Variants in GLRA3 observed in about 807,000 individuals in gnomAD.
GLRA3 encodes glycine receptor alpha 3.
In GLRA3, 44 loss-of-function variants were observed where a neutral mutation model predicts 60.4. The ratio of observed to expected loss-of-function variants is 0.73; its 90% CI spans 0.57 to 0.94. The LOEUF is 0.94. Among genes scored for constraint, GLRA3 ranks in the 40% least tolerant of loss-of-function variants. GLRA3 has a pLI of 0.00. For missense variants in GLRA3, 508 were observed against 564.6 expected (o/e 0.90, Z 1.02); for synonymous variants, 223 against 192.9 (o/e 1.16, Z -1.29).
intron 5 of GLRA3, among the ~76,000 whole-genome samples, chr4:174,695,996 CAAAATAAT>C (rs928431991): frequency 6.6e-6 from 1 of 151,532 alleles, no homozygotes; most frequent in Non-Finnish European, 1.5e-5. Flanking sequence ...ACAATTGGCA[CAAAATAAT>C]AAAATAATAA....
intron 3 of GLRA3, among the ~76,000 whole-genome samples, chr4:174,739,450 T>C (rs1216507814): frequency 6.6e-6 from 1 of 152,144 alleles, no homozygotes; most frequent in Non-Finnish European, 1.5e-5. Context: ...TGGGTAAAGA[T>C]CTTCTCAAGG....
At chr4:174,785,431 A>G (rs1218312520) in intron 2 of GLRA3, among the ~76,000 whole-genome samples, 1 of 152,164 alleles carries the variant, frequency 6.6e-6, no homozygotes, top group Non-Finnish European at 1.5e-5. Flanking sequence ...TTATGTATAT[A>G]ATGCTGGAAC....
At chr4:174,650,579 T>A (rs1231799020) in intron 9 of GLRA3, among the ~76,000 whole-genome samples, 1 of 152,076 alleles carries the variant, frequency 6.6e-6, no homozygotes, top group Non-Finnish European at 1.5e-5. Flanking sequence ...ACCAAAGGAA[T>A]CTGAAAGGCA....
intron 5 of GLRA3, among the ~76,000 whole-genome samples, chr4:174,687,797 A>G (rs1734604094): frequency 6.6e-6 from 1 of 152,168 alleles, no homozygotes; most frequent in African/African-American, 2.4e-5. Context: ...TGGAAGATCT[A>G]AATAACTCAT....
chr4:174,695,574 T>C (rs1366142659), intron 5 of GLRA3, among the ~76,000 whole-genome samples: 4 of 152,096 alleles, frequency 2.6e-5, no homozygotes, highest in Non-Finnish European at 4.4e-5. Flanking sequence ...AACTAGGTAT[T>C]GAAGGAAAAT....
At chr4:174,675,083 C>T (rs1245915737) in intron 7 of GLRA3, among the ~76,000 whole-genome samples, 1 of 152,136 alleles carries the variant, frequency 6.6e-6, no homozygotes, top group Non-Finnish European at 1.5e-5. Flanking sequence ...TAAGATGATA[C>T]AGTCAACTTC....
intron 9 of GLRA3, among the ~76,000 whole-genome samples, chr4:174,655,642 GCAAA>G (rs1277789818): frequency 6.6e-6 from 1 of 151,932 alleles, no homozygotes; most frequent in Non-Finnish European, 1.5e-5. Flanking sequence ...AATATATATT[GCAAA>G]CACTATATCT....
intron 3 of GLRA3, among the ~76,000 whole-genome samples, chr4:174,729,281 C>T (rs570123713): frequency 6.6e-6 from 1 of 152,296 alleles, no homozygotes; most frequent in South Asian, 2.1e-4. Flanking sequence ...TATCCAATAA[C>T]ATCCAGAATA....
intron 1 of GLRA3, among the ~76,000 whole-genome samples, chr4:174,800,096 A>C (rs1739746986): frequency 6.6e-6 from 1 of 152,162 alleles, no homozygotes; most frequent in Non-Finnish European, 1.5e-5. Context: ...TCTTAACAGC[A>C]GATTAGGCAT....
intron 5 of GLRA3, among the ~76,000 whole-genome samples, chr4:174,683,355 C>CA (rs1227606335): frequency 6.8e-6 from 1 of 146,606 alleles, no homozygotes; most frequent in Non-Finnish European, 1.5e-5. Flanking sequence ...TAGAAAATGA[C>CA]TTTTTTTTTT....
chr4:174,722,758 C>A (rs1230779348), intron 4 of GLRA3: 1 of 166,618 alleles, frequency 6.0e-6, no homozygotes, highest in East Asian at 1.9e-4. Context: ...AGCCAGATCT[C>A]TCATGAAACA....
In GLRA3 at chr4:174,793,166, A is replaced by G. The variant is rs189694813; in HGVS notation, c.72-4223T>C. Among the ~76,000 whole-genome samples, 19 of 152,180 alleles carry G rather than the reference A, an allele frequency of 1.2e-4. No individual in the cohort carries two copies. The East Asian group carries it at 3.7e-3, about 29-fold the overall frequency. On this transcript the variant is annotated intron_variant, in intron 1 of 9. Coordinates refer to ENST00000274093, the MANE Select transcript of GLRA3 (RefSeq NM_006529.4). ...GAGAATTTATGGAGGTCCTTACTCT[A>G]CTATGTGTTTCTTACTGTATTATTT... is the stretch of plus-strand genomic sequence containing the variant.
Position 174,721,922 on chromosome 4 carries a change from T to G in GLRA3, c.492-6352A>C, listed in dbSNP as rs184032824. On this transcript the variant is annotated intron_variant, in intron 4 of 9. Coordinates refer to ENST00000274093, the MANE Select transcript of GLRA3 (RefSeq NM_006529.4). ...ATGTGTGTATGTGTATATATGTGTATATATATAACAAATAGGGAAACTAAC... is the reference window on the plus strand; with the variant it reads ...ATGTGTGTATGTGTATATATGTGTAGATATATAACAAATAGGGAAACTAAC... 6.6e-3 allele frequency among the ~76,000 whole-genome samples: 1,009 copies of G among 151,970 alleles called. 8 individuals are homozygous for G. Among genetic ancestry groups the G allele is most frequent in the African/African-American group, 0.023 (971 of 41,446 alleles).
intron 9 of GLRA3, among the ~76,000 whole-genome samples, chr4:174,653,118 A>G (rs1281742723): frequency 2.6e-5 from 4 of 152,064 alleles, no homozygotes; most frequent in Admixed American, 6.6e-5. Flanking sequence ...TTATTACCAA[A>G]TAGGAATGTA....
intron 3 of GLRA3, among the ~76,000 whole-genome samples, chr4:174,756,681 T>G (rs1392340478): frequency 6.0e-5 from 9 of 149,462 alleles, no homozygotes; most frequent in Non-Finnish European, 1.0e-4. Flanking sequence ...GTCTCGCTCT[T>G]TTGCCCAGGC....
At chr4:174,718,197 T>C (rs1484430271) in intron 4 of GLRA3, among the ~76,000 whole-genome samples, 1 of 152,192 alleles carries the variant, frequency 6.6e-6, no homozygotes, top group South Asian at 2.1e-4. Flanking sequence ...TACTGAAAAA[T>C]ACGTGTCAAC....
rs533541228 is a variant in GLRA3 at position 174,769,384 on chromosome 4, A to C, written c.200-2354T>G. On this transcript the variant is annotated intron_variant, in intron 2 of 9. Transcript: ENST00000274093. ...ATATTTACCCCAGCCAAACAATAGAATATGTTATGCTTACTTTTTCCTTTC... is the reference window on the plus strand; with the variant it reads ...ATATTTACCCCAGCCAAACAATAGACTATGTTATGCTTACTTTTTCCTTTC... 9.9e-5 allele frequency among the ~76,000 whole-genome samples: 15 copies of C among 152,216 alleles called. 1 individual carries two copies. In the South Asian group the frequency reaches 3.1e-3, roughly 32 times the overall value.
chr4:174,695,528 A>G (rs1191959817), intron 5 of GLRA3, among the ~76,000 whole-genome samples: 1 of 152,072 alleles, frequency 6.6e-6, no homozygotes, highest in Non-Finnish European at 1.5e-5. Context: ...GCTTTTGATA[A>G]AATTCAACAC....
chr4:174,710,606 G>A (rs533741908), intron 5 of GLRA3, among the ~76,000 whole-genome samples: 2 of 152,026 alleles, frequency 1.3e-5, no homozygotes, highest in African/African-American at 2.4e-5. Context: ...CTCTTTACGC[G>A]GACGTTTTTC....
Sources: gnomAD v4.1 joint callset for allele counts (sites outside exome capture counted in the v4.1 genomes callset) on GRCh38, gnomAD v4.1.1 for gene constraint, MANE v1.5 for transcripts, NCBI Gene and HGNC (gene_info 2026-07-23, HGNC 2026-07-21) for gene names.